The following TBPL2 variants were observed in gnomAD, a reference collection of about 807,000 sequenced individuals.
TBPL2 encodes the protein TATA box-binding protein-like 2.
Under a neutral mutation model 38.2 loss-of-function variants are expected in TBPL2, and 40 were observed. The observed-to-expected ratio is 1.05, with a 90% confidence interval of 0.81 to 1.36. The LOEUF is 1.36. TBPL2 is among the 40% of genes most tolerant of loss of function. The probability of loss-of-function intolerance (pLI) is 0.00; values close to 1 mark genes in which losing one functional copy is unlikely to be tolerated. For missense variants in TBPL2, 461 were observed against 456.7 expected (o/e 1.01, Z -0.09); for synonymous variants, 169 against 171.7 (o/e 0.98, Z 0.12).
At chr14:55,431,599 A>G (rs2140175740) in intron 4 of TBPL2, among the ~76,000 whole-genome samples, 1 of 152,356 alleles carries the variant, frequency 6.6e-6, no homozygotes, top group East Asian at 1.9e-4. Context: ...ATCACTTTAA[A>G]ATGGAGATTC....
At chr14:55,426,307 T>C (rs1885822838) in intron 5 of TBPL2, among the ~76,000 whole-genome samples, 1 of 151,520 alleles carries the variant, frequency 6.6e-6, no homozygotes, top group Non-Finnish European at 1.5e-5. Context: ...GAGGGAAAAA[T>C]TCTCATTGAC....
intron 3 of TBPL2, among the ~76,000 whole-genome samples, chr14:55,435,158 A>G (rs1409344255): frequency 6.6e-6 from 1 of 152,234 alleles, no homozygotes; most frequent in Non-Finnish European, 1.5e-5. Flanking sequence ...CTTCTCAGAT[A>G]AGAGGAATTG....
At chr14:55,423,472 G>C (rs190146019) in intron 6 of TBPL2, among the ~76,000 whole-genome samples, 1 of 152,304 alleles carries the variant, frequency 6.6e-6, no homozygotes, top group East Asian at 1.9e-4. Flanking sequence ...AGCAAACAAA[G>C]AAGGAACATT....
intron 5 of TBPL2, among the ~76,000 whole-genome samples, chr14:55,424,890 G>A (rs1372582513): frequency 6.6e-6 from 1 of 152,184 alleles, no homozygotes; most frequent in Admixed American, 6.6e-5. Flanking sequence ...CTCCAGCCTG[G>A]AGAGGAGGGC....
chr14:55,431,128 T>C (rs1418827939), intron 4 of TBPL2, among the ~76,000 whole-genome samples: 2 of 152,260 alleles, frequency 1.3e-5, no homozygotes, highest in Admixed American at 6.5e-5. Flanking sequence ...CCTCATACTC[T>C]TGCTGTTACA....
intron 4 of TBPL2, among the ~76,000 whole-genome samples, chr14:55,431,888 A>G (rs1885933849): frequency 1.3e-5 from 2 of 152,244 alleles, no homozygotes; most frequent in African/African-American, 4.8e-5. Flanking sequence ...TGCATTAAAC[A>G]GTGCAGATAT....
At chr14:55,432,414 GA>G (rs200736816) in intron 4 of TBPL2, among the ~76,000 whole-genome samples, 8 of 116,294 alleles carry the variant, frequency 6.9e-5, no homozygotes, top group South Asian at 2.6e-4. Context: ...CCGTGTCTCA[GA>G]AAAAAAAAAA....
chr14:55,424,648 C>CT (rs1294873290), intron 5 of TBPL2, among the ~76,000 whole-genome samples: 1 of 152,130 alleles, frequency 6.6e-6, no homozygotes, highest in African/African-American at 2.4e-5. Flanking sequence ...ATTTTGTATG[C>CT]TTTTACGAAC....
At chr14:55,439,267 G>A (rs573674356) in intron 1 of TBPL2, among the ~76,000 whole-genome samples, 1 of 121,842 alleles carries the variant, frequency 8.2e-6, no homozygotes, top group African/African-American at 3.2e-5. Context: ...AGTCTTAAGA[G>A]TAATTAACTT....
At chr14:55,436,980 T>C (rs376185399) in exon 2 of TBPL2, 3 of 1,614,096 alleles carry the variant, frequency 1.9e-6, no homozygotes, top group Non-Finnish European at 2.5e-6. Flanking sequence ...AAGGTACAAC[T>C]GGGCTGAACA....
At chr14:55,434,807 G>T (rs1885987994) in intron 3 of TBPL2, among the ~76,000 whole-genome samples, 2 of 152,196 alleles carry the variant, frequency 1.3e-5, no homozygotes, top group South Asian at 4.1e-4. Flanking sequence ...ACAAATAATA[G>T]TTGATGCCTG....
At chr14:55,415,775 A>G (rs1334660245) in intron 6 of TBPL2, among the ~76,000 whole-genome samples, 1 of 152,152 alleles carries the variant, frequency 6.6e-6, no homozygotes, top group Non-Finnish European at 1.5e-5. Context: ...CTGAGGCAGG[A>G]GAATTGCTTG....
At chr14:55,436,595 T>G in exon 2 of TBPL2, 2 of 1,614,062 alleles carry the variant, frequency 1.2e-6, no homozygotes, top group Non-Finnish European at 8.5e-7. Context: ...CATTCTGAAA[T>G]AGGGGTCATT....
chr14:55,428,190 C>T (rs1885862417), intron 5 of TBPL2, among the ~76,000 whole-genome samples: 1 of 125,982 alleles, frequency 7.9e-6, no homozygotes, highest in South Asian at 2.6e-4. Flanking sequence ...AGTCCAGTGG[C>T]GCGAGGTCGG....
intron 6 of TBPL2, among the ~76,000 whole-genome samples, chr14:55,415,766 T>G (rs1226254834): frequency 2.0e-5 from 3 of 152,088 alleles, no homozygotes; most frequent in Admixed American, 2.0e-4. Flanking sequence ...TTTGGGAGGC[T>G]GAGGCAGGAG....
In TBPL2 at chr14:55,414,461, A is replaced by C; in HGVS notation, c.1052-6T>G. The C allele has an allele frequency of 6.3e-7, 1 of 1,593,502 alleles. No individual in the cohort carries two copies. Among genetic ancestry groups the C allele is most frequent in the Non-Finnish European group, 8.5e-7 (1 of 1,170,476 alleles). On this transcript the variant is annotated splice_polypyrimidine_tract_variant and splice_region_variant and intron_variant, in intron 6 of 6. Transcript: ENST00000247219. ...CTCAGAACGTTCTTTGGCACCTATA[A>C]AGAAATCCAGGTTTATATAATTTTT...
At chr14:55,416,801 CAT>C (rs973384163) in intron 6 of TBPL2, among the ~76,000 whole-genome samples, 1 of 152,222 alleles carries the variant, frequency 6.6e-6, no homozygotes, top group Non-Finnish European at 1.5e-5. Context: ...CAAACACACA[CAT>C]GCCCCTCTCC....
At chr14:55,428,111 T>A (rs1460540235) in intron 5 of TBPL2, among the ~76,000 whole-genome samples, 6 of 130,656 alleles carry the variant, frequency 4.6e-5, no homozygotes, top group Non-Finnish European at 8.0e-5. Flanking sequence ...CCATTTCACA[T>A]GCCTTATCTT....
At chr14:55,439,748 G>A (rs1235254107) in intron 1 of TBPL2, among the ~76,000 whole-genome samples, 2 of 151,752 alleles carry the variant, frequency 1.3e-5, no homozygotes, top group Non-Finnish European at 2.9e-5. Flanking sequence ...GGCTAACACG[G>A]TGAAACACTG....
Sources: allele counts gnomAD v4.1 joint callset (sites outside exome capture counted in the v4.1 genomes callset), GRCh38; gene constraint gnomAD v4.1.1; transcripts MANE v1.5; gene names NCBI Gene and HGNC (gene_info 2026-07-23, HGNC 2026-07-21).